WDR70: variants seen among roughly 807,000 people sequenced by gnomAD.
The protein encoded by WDR70 is WD repeat domain 70.
A neutral mutation model predicts 88.6 loss-of-function variants in WDR70; 53 were observed. The ratio of observed to expected loss-of-function variants is 0.60; its 90% CI spans 0.48 to 0.75. WDR70 has a LOEUF of 0.75. Among genes scored for constraint, WDR70 ranks in the 30% least tolerant of loss-of-function variants. The pLI is 0.00. For synonymous variants in WDR70, 280 were observed against 270.0 expected, an observed-to-expected ratio of 1.04 and a Z score of -0.36; for missense variants, 610 against 823.2, an observed-to-expected ratio of 0.74 and a Z score of 3.17.
At chr5:37,509,789 CTTTTTTTT>C (rs772468754) in intron 8 of WDR70, among the ~76,000 whole-genome samples, 2 of 129,162 alleles carry the variant, frequency 1.5e-5, no homozygotes, top group African/African-American at 3.0e-5. Flanking sequence ...CCTATAGATT[CTTTTTTTT>C]TTTTTTTTTT....
chr5:37,465,662 T>G (rs1739129776), intron 7 of WDR70, among the ~76,000 whole-genome samples: 1 of 150,568 alleles, frequency 6.6e-6, no homozygotes, highest in African/African-American at 2.4e-5. Flanking sequence ...TCATGAGTTT[T>G]TTTTTTTTTT....
intron 11 of WDR70, among the ~76,000 whole-genome samples, chr5:37,699,394 T>TACACACACACACAC (rs1491413872): frequency 6.8e-4 from 3 of 4,386 alleles, no homozygotes; most frequent in African/African-American, 1.2e-3. Context: ...TATGTGTGTA[T>TACACACACACACAC]ATATATATAC....
Position 37,437,980 on chromosome 5 carries a change from C to T in WDR70, c.551C>T (p.Thr184Ile). The T allele has an allele frequency of 6.2e-7, 1 of 1,607,922 alleles. No homozygotes were observed. Among genetic ancestry groups the T allele is most frequent in the Non-Finnish European group, 8.5e-7 (1 of 1,177,188 alleles). Residue 184 changes from threonine (T) to isoleucine (I), a missense_variant and splice_region_variant, in exon 6 of 18, where the codon ACA becomes ATA. By Grantham distance (89) the Thr-to-Ile change is moderately conservative (BLOSUM62 -1). Transcript: ENST00000265107. ...ATAACGCTGAAGCATGGCACTAAAA[C>T]AGTAAGTTTAAAAATCTAGTTTTTT... Reference protein sequence around the residue: ...HEITLKHGTKTVSALGLDPSG... With the variant: ...HEITLKHGTKIVSALGLDPSG...
intron 10 of WDR70, among the ~76,000 whole-genome samples, chr5:37,618,966 C>A (rs1325147586): frequency 6.6e-6 from 1 of 151,948 alleles, no homozygotes; most frequent in East Asian, 1.9e-4. Context: ...GAAGCCAGAG[C>A]TAACAAATGG....
At chr5:37,578,333 C>CT (rs1743115712) in intron 9 of WDR70, among the ~76,000 whole-genome samples, 1 of 96,360 alleles carries the variant, frequency 1.0e-5, no homozygotes, top group Non-Finnish European at 2.8e-5. Flanking sequence ...TTTTTCTTTG[C>CT]CTTTTTTGGA....
At chr5:37,584,633 A>G (rs1186620023) in intron 9 of WDR70, among the ~76,000 whole-genome samples, 2 of 152,136 alleles carry the variant, frequency 1.3e-5, no homozygotes, top group Non-Finnish European at 2.9e-5. Flanking sequence ...AAAAATTAGT[A>G]TATGTATTAT....
At chr5:37,538,114 C>T (rs1246617080) in intron 9 of WDR70, among the ~76,000 whole-genome samples, 1 of 152,156 alleles carries the variant, frequency 6.6e-6, no homozygotes, top group East Asian at 1.9e-4. Context: ...TCCTCACTCC[C>T]TTGGAAGACT....
At chr5:37,482,262 A>G (rs1739696280) in intron 8 of WDR70, among the ~76,000 whole-genome samples, 1 of 152,128 alleles carries the variant, frequency 6.6e-6, no homozygotes, top group Admixed American at 6.5e-5. Context: ...CTCTACTGGT[A>G]TCAACTTATT....
chr5:37,528,940 A>C (rs1162074609), intron 9 of WDR70, among the ~76,000 whole-genome samples: 6 of 130,638 alleles, frequency 4.6e-5, no homozygotes, highest in Admixed American at 1.6e-4. Context: ...ATCTTGTAGA[A>C]TCTTTATGGT....
rs1491589506 is a variant in WDR70, at chr5:37,392,176, AGT to A, written c.296+57_296+58del. On this transcript the variant is annotated intron_variant, in intron 4 of 17. Transcript: ENST00000265107. ...ACTATCAGTTTCTAGGTGTTTATAGAGTTTTTTTTTTTTTTTTTAATTTTTTT... is the reference window on the plus strand; with the variant it reads ...ACTATCAGTTTCTAGGTGTTTATAGATTTTTTTTTTTTTTTTAATTTTTTT... 24 of 1,361,070 alleles carry A rather than the reference AGT, an allele frequency of 1.8e-5. No individual in the cohort carries two copies. The African/African-American group carries it at 3.6e-4, about 20-fold the overall frequency. 84.3% of individuals were successfully genotyped at this position (1,361,070 alleles called of 1,614,324 possible). A position where few individuals can be genotyped will look rare whatever the true frequency, so the allele number is the denominator to read the frequency against.
At chr5:37,470,187 C>G (rs1333727387) in intron 7 of WDR70, among the ~76,000 whole-genome samples, 1 of 151,666 alleles carries the variant, frequency 6.6e-6, no homozygotes, top group Non-Finnish European at 1.5e-5. Context: ...ATTTCAACCA[C>G]AAAACATTTT....
rs968473654 is a variant in WDR70, at chr5:37,655,888, C to T, written c.1093-41767C>T. The stretch of plus-strand genomic sequence containing the variant: ...TCCTTGCATTGGGTTAGAACATGCT[C>T]GTTTAGCTCAGAGGAGTTCATTACT... On this transcript the variant is annotated intron_variant, in intron 10 of 17. Transcript: ENST00000265107. 7.9e-5 allele frequency among the ~76,000 whole-genome samples: 12 copies of T among 151,980 alleles called. No homozygotes were observed. In the South Asian group the frequency reaches 8.3e-4, roughly 11 times the overall value.
chr5:37,683,276 C>G (rs557646760), intron 10 of WDR70, among the ~76,000 whole-genome samples: 6 of 152,288 alleles, frequency 3.9e-5, no homozygotes, highest in African/African-American at 1.2e-4. Flanking sequence ...GGTTCTTTAT[C>G]CAGCTTGCCA....
At chr5:37,551,719 CTCTT>C (rs1229732276) in intron 9 of WDR70, among the ~76,000 whole-genome samples, 1 of 138,656 alleles carries the variant, frequency 7.2e-6, no homozygotes, top group African/African-American at 2.9e-5. Context: ...GAAAGTGAGA[CTCTT>C]TCTCAAAAAA....
At chr5:37,696,434 C>T (rs1561077305) in intron 10 of WDR70, among the ~76,000 whole-genome samples, 1 of 152,106 alleles carries the variant, frequency 6.6e-6, no homozygotes, top group Non-Finnish European at 1.5e-5. Context: ...ATTTGGAGGG[C>T]AAAGTACATG....
At chr5:37,706,915 T>C (rs1001756304) in intron 13 of WDR70, among the ~76,000 whole-genome samples, 15 of 152,328 alleles carry the variant, frequency 9.8e-5, no homozygotes, top group African/African-American at 3.6e-4. Flanking sequence ...TTATGCTTTT[T>C]ATGTATTATG....
chr5:37,668,571 C>T (rs1745930308), intron 10 of WDR70, among the ~76,000 whole-genome samples: 1 of 152,210 alleles, frequency 6.6e-6, no homozygotes, highest in South Asian at 2.1e-4. Flanking sequence ...GTGCATTAGC[C>T]ATAAGGGGTT....
At chr5:37,618,947 A>G (rs995405153) in intron 10 of WDR70, among the ~76,000 whole-genome samples, 3 of 152,182 alleles carry the variant, frequency 2.0e-5, no homozygotes, top group Non-Finnish European at 2.9e-5. Context: ...TGGATTCTGA[A>G]GATTTTTTGA....
At chr5:37,731,916 A>G (rs1748156443) in intron 17 of WDR70, among the ~76,000 whole-genome samples, 1 of 152,168 alleles carries the variant, frequency 6.6e-6, no homozygotes, top group Admixed American at 6.5e-5. Context: ...CCTGCTGGAT[A>G]ACAAGTCATT....
Sources: gnomAD v4.1 joint callset for allele counts (sites outside exome capture counted in the v4.1 genomes callset) on GRCh38, gnomAD v4.1.1 for gene constraint, MANE v1.5 for transcripts, NCBI Gene and HGNC (gene_info 2026-07-23, HGNC 2026-07-21) for gene names.